Variants in KAT6B observed in about 807,000 individuals in gnomAD.
KAT6B encodes histone acetyltransferase KAT6B.
In KAT6B, 10 loss-of-function variants were observed where a neutral mutation model predicts 187.5. That is an observed-to-expected ratio of 0.05 (90% CI 0.03 to 0.09). The LOEUF (loss-of-function observed/expected upper bound fraction) is 0.09. KAT6B is among the 10% of genes least tolerant of loss of function. The probability of loss-of-function intolerance (pLI) is 1.00; values close to 1 mark genes in which losing one functional copy is unlikely to be tolerated. For synonymous variants in KAT6B, 861 were observed against 926.8 expected (o/e 0.93, Z 1.29); for missense variants, 1,952 against 2,558.9 (o/e 0.76, Z 5.12).
chr10:74,900,540 G>C (rs79673648), intron 3 of KAT6B, among the ~76,000 whole-genome samples: 3,338 of 152,352 alleles, frequency 0.022, 81 homozygotes, highest in Middle Eastern at 0.062. Flanking sequence ...CAGCGCACGT[G>C]TAGGAGCAGC....
chr10:74,842,731 C>T lies in KAT6B; in HGVS notation c.-127C>T. 1.9e-6 allele frequency: 2 copies of T among 1,033,656 alleles called. No individual in the cohort carries two copies. The highest frequency in any genetic ancestry group is 2.4e-5 in the East Asian group (1 of 42,390). The allele number at this position is 1,033,656 out of a possible 1,614,324, so 64.0% of individuals were successfully genotyped here. On this transcript the variant is annotated 5_prime_UTR_variant, in exon 3 of 18. Transcript: ENST00000287239. ...AAGGATGGATGTTTGTAAGATGTTG[C>T]TTAATACAGTCTGGAATACTCTGTC... is the stretch of plus-strand genomic sequence containing the variant.
intron 1 of KAT6B, among the ~76,000 whole-genome samples, chr10:74,832,636 G>A (rs938984009): frequency 1.3e-5 from 2 of 151,814 alleles, no homozygotes; most frequent in African/African-American, 4.8e-5. Flanking sequence ...CAAAGAGCTG[G>A]GATTACAGGC....
intron 3 of KAT6B, among the ~76,000 whole-genome samples, chr10:74,912,410 T>TAGAA (rs1354498099): frequency 1.3e-5 from 2 of 151,824 alleles, no homozygotes; most frequent in South Asian, 2.1e-4. Flanking sequence ...GATAGATAGA[T>TAGAA]AGAAAGATAG....
intron 13 of KAT6B, among the ~76,000 whole-genome samples, chr10:74,991,587 C>A (rs535062401): frequency 5.9e-5 from 9 of 152,308 alleles, no homozygotes; most frequent in African/African-American, 2.2e-4. Context: ...GAATGCTGTC[C>A]ACCAGGATGT....
At chr10:74,972,209 CAG>C (rs1354851316) in intron 6 of KAT6B, among the ~76,000 whole-genome samples, 1 of 151,666 alleles carries the variant, frequency 6.6e-6, no homozygotes, top group South Asian at 2.1e-4. Context: ...TAATATCTGA[CAG>C]GGGCGAGTTT....
intron 3 of KAT6B, among the ~76,000 whole-genome samples, chr10:74,955,592 A>G (rs1219993138): frequency 6.6e-6 from 1 of 151,926 alleles, no homozygotes; most frequent in African/African-American, 2.4e-5. Context: ...TTTTTTCTGA[A>G]TCATTGGAGA....
chr10:74,984,701 G>C, intron 11 of KAT6B: 3 of 207,504 alleles, frequency 1.4e-5, no homozygotes, highest in Non-Finnish European at 2.9e-5. Flanking sequence ...TACTTGAGAA[G>C]TATTTTGATC....
At chr10:74,866,002 A>C (rs921737478) in intron 3 of KAT6B, among the ~76,000 whole-genome samples, 2 of 152,080 alleles carry the variant, frequency 1.3e-5, no homozygotes, top group Non-Finnish European at 2.9e-5. Flanking sequence ...CAAAATGCAC[A>C]CATACAGAGG....
intron 3 of KAT6B, among the ~76,000 whole-genome samples, chr10:74,889,577 T>C (rs1196399016): frequency 6.6e-6 from 1 of 152,208 alleles, no homozygotes; most frequent in Non-Finnish European, 1.5e-5. Context: ...AGGCTTTTTA[T>C]ACTGGACTGG....
intron 12 of KAT6B, 26 bp downstream of exon 12, chr10:74,985,267 C>G: frequency 6.2e-7 from 1 of 1,612,300 alleles, no homozygotes; most frequent in Non-Finnish European, 8.5e-7. Flanking sequence ...GCATGACCTT[C>G]ATTTTCTTTT....
chr10:74,841,113 C>T (rs369611123), intron 2 of KAT6B, among the ~76,000 whole-genome samples: 5 of 151,990 alleles, frequency 3.3e-5, no homozygotes, highest in East Asian at 1.9e-4. Context: ...AGGGATATAC[C>T]AGTATTGCCT....
intron 2 of KAT6B, among the ~76,000 whole-genome samples, chr10:74,839,508 G>A (rs748409811): frequency 6.6e-5 from 10 of 151,942 alleles, no homozygotes; most frequent in Admixed American, 2.0e-4. Flanking sequence ...CTGGGATTAC[G>A]GGTGTGAGCC....
chr10:74,995,957 A>C (rs1034088846), intron 13 of KAT6B, among the ~76,000 whole-genome samples: 4 of 152,212 alleles, frequency 2.6e-5, no homozygotes, highest in African/African-American at 9.7e-5. Context: ...GCAGGATACA[A>C]AACCCGTTCT....
At chr10:74,834,539 G>A (rs530259933) in intron 1 of KAT6B, among the ~76,000 whole-genome samples, 1 of 151,844 alleles carries the variant, frequency 6.6e-6, no homozygotes, top group Admixed American at 6.6e-5. Flanking sequence ...CTTTTTTAGA[G>A]ACAGAGTCTT....
chr10:74,841,438 T>C (rs1311870149), intron 2 of KAT6B, among the ~76,000 whole-genome samples: 1 of 152,140 alleles, frequency 6.6e-6, no homozygotes, highest in East Asian at 1.9e-4. Context: ...TGGTGGCACA[T>C]TCCTGTAATC....
chr10:74,916,794 G>A (rs1847719974), intron 3 of KAT6B, among the ~76,000 whole-genome samples: 1 of 152,054 alleles, frequency 6.6e-6, no homozygotes, highest in South Asian at 2.1e-4. Flanking sequence ...TATATATCTG[G>A]GAACTTTGTA....
chr10:74,956,163 G>A (rs965398460), intron 3 of KAT6B, among the ~76,000 whole-genome samples: 7 of 152,274 alleles, frequency 4.6e-5, no homozygotes, highest in Non-Finnish European at 7.4e-5. Flanking sequence ...GGTATTATAT[G>A]ACATTTTTTC....
chr10:74,870,872 T>C (rs1843884175), intron 3 of KAT6B, among the ~76,000 whole-genome samples: 1 of 151,280 alleles, frequency 6.6e-6, no homozygotes, highest in Admixed American at 6.6e-5. Flanking sequence ...CCACCATGCC[T>C]GGCGTTTTTT....
chr10:75,010,007 A>T (rs957565745), intron 13 of KAT6B, among the ~76,000 whole-genome samples: 104 of 152,152 alleles, frequency 6.8e-4, no homozygotes, highest in Admixed American at 3.2e-3. Context: ...ATCTCAAATT[A>T]AAAAAGCTAA....
Sources: allele counts gnomAD v4.1 joint callset (sites outside exome capture counted in the v4.1 genomes callset), GRCh38; gene constraint gnomAD v4.1.1; transcripts MANE v1.5; gene names NCBI Gene and HGNC (gene_info 2026-07-23, HGNC 2026-07-21).